Variants in KIAA1217 observed in about 807,000 individuals in gnomAD.
KIAA1217 encodes sickle tail protein homolog.
Under a neutral mutation model 163.9 loss-of-function variants are expected in KIAA1217, and 88 were observed. The observed-to-expected ratio is 0.54, with a 90% CI of 0.45 to 0.64. The LOEUF (loss-of-function observed/expected upper bound fraction) is 0.64, where lower values mean the gene tolerates loss of function less well. KIAA1217 is among the 30% of genes least tolerant of loss of function. The pLI, the probability that KIAA1217 is intolerant of heterozygous loss-of-function variation, is 0.00. For missense variants in KIAA1217, 2,372 were observed against 2,475.0 expected, an observed-to-expected ratio of 0.96 and a Z score of 0.88; for synonymous variants, 903 against 923.1, an observed-to-expected ratio of 0.98 and a Z score of 0.39.
intron 1 of KIAA1217, among the ~76,000 whole-genome samples, chr10:23,917,239 A>T (rs1196105098): frequency 6.6e-6 from 1 of 152,176 alleles, no homozygotes. Flanking sequence ...GCAGACCTCC[A>T]CTGAGTCCAT....
intron 3 of KIAA1217, among the ~76,000 whole-genome samples, chr10:24,391,066 G>A (rs550576239): frequency 4.6e-5 from 7 of 152,272 alleles, no homozygotes; most frequent in African/African-American, 1.4e-4. Context: ...AAACTTTGAA[G>A]CAATTGTTTA....
chr10:24,189,425 C>T (rs1006150882), intron 2 of KIAA1217, among the ~76,000 whole-genome samples: 1 of 152,068 alleles, frequency 6.6e-6, no homozygotes, highest in Non-Finnish European at 1.5e-5. Context: ...TCTACAATTC[C>T]CACAATTAAT....
intron 2 of KIAA1217, among the ~76,000 whole-genome samples, chr10:24,346,268 A>G (rs2047752889): frequency 1.3e-5 from 2 of 152,100 alleles, no homozygotes; most frequent in African/African-American, 4.8e-5. Context: ...GATCGAGACC[A>G]TCCTGGCTAA....
At chr10:23,998,784 A>T (rs941074213) in intron 1 of KIAA1217, among the ~76,000 whole-genome samples, 3 of 152,228 alleles carry the variant, frequency 2.0e-5, no homozygotes, top group African/African-American at 7.2e-5. Flanking sequence ...TTGCATTGAA[A>T]ATACTTTGAT....
At chr10:23,855,304 G>A (rs1839593691) in intron 1 of KIAA1217, among the ~76,000 whole-genome samples, 1 of 152,120 alleles carries the variant, frequency 6.6e-6, no homozygotes, top group South Asian at 2.1e-4. Context: ...GAAATTCTGG[G>A]TTGAAAATTC....
At chr10:24,243,862 GC>G (rs1343268634) in intron 2 of KIAA1217, among the ~76,000 whole-genome samples, 29 of 152,038 alleles carry the variant, frequency 1.9e-4, no homozygotes, top group Admixed American at 1.9e-3. Context: ...GCCCAGTGAA[GC>G]TTTTTATTAC....
chr10:24,345,209 A>C (rs986653909), intron 2 of KIAA1217, among the ~76,000 whole-genome samples: 1 of 152,194 alleles, frequency 6.6e-6, no homozygotes, highest in South Asian at 2.1e-4. Flanking sequence ...AACACACACA[A>C]AAAAGGGGGT....
intron 16 of KIAA1217, 60 bp from the exon 17 acceptor site, chr10:24,536,714 T>G: frequency 6.4e-7 from 1 of 1,573,974 alleles, no homozygotes; most frequent in Non-Finnish European, 8.7e-7. Context: ...CCTGCCTGTT[T>G]CCCTCCATTC....
At chr10:23,926,050 C>T (rs906556674) in intron 1 of KIAA1217, among the ~76,000 whole-genome samples, 3 of 152,158 alleles carry the variant, frequency 2.0e-5, no homozygotes, top group Admixed American at 6.5e-5. Flanking sequence ...CAGACCTCCC[C>T]ATACTGAGGC....
chr10:23,858,615 CTG>C (rs757864682), intron 1 of KIAA1217, among the ~76,000 whole-genome samples: 1 of 151,994 alleles, frequency 6.6e-6, no homozygotes, highest in African/African-American at 2.4e-5. Flanking sequence ...AAAAATGATT[CTG>C]TTAGTATAAT....
intron 1 of KIAA1217, among the ~76,000 whole-genome samples, chr10:23,703,277 A>G (rs1195834087): frequency 6.6e-6 from 1 of 152,100 alleles, no homozygotes; most frequent in Non-Finnish European, 1.5e-5. Context: ...TGGTGGAGGG[A>G]GGATCAGAGA....
At chr10:24,420,939 C>T (rs1323641269) in intron 3 of KIAA1217, among the ~76,000 whole-genome samples, 5 of 152,206 alleles carry the variant, frequency 3.3e-5, no homozygotes, top group Non-Finnish European at 7.4e-5. Flanking sequence ...GGAGCAAGTA[C>T]CCCCTCTTAT....
intron 1 of KIAA1217, among the ~76,000 whole-genome samples, chr10:23,771,169 C>T (rs942602767): frequency 6.6e-6 from 1 of 152,074 alleles, no homozygotes; most frequent in African/African-American, 2.4e-5. Context: ...ATGGCTTTGC[C>T]TCCTACATAG....
intron 2 of KIAA1217, among the ~76,000 whole-genome samples, chr10:24,306,581 G>A (rs1025904037): frequency 1.1e-4 from 16 of 152,308 alleles, no homozygotes; most frequent in African/African-American, 3.6e-4. Context: ...GCGGGCAGCT[G>A]TCTTTCTGGA....
chr10:23,814,964 G>A (rs950414457), intron 1 of KIAA1217, among the ~76,000 whole-genome samples: 1 of 152,120 alleles, frequency 6.6e-6, no homozygotes, highest in East Asian at 1.9e-4. Context: ...GGATTTTATG[G>A]CTCTGATAAA....
In KIAA1217 at chr10:24,436,631, A is replaced by G. The variant is rs534772883; in HGVS notation, c.753-1755A>G. Among the ~76,000 whole-genome samples the G allele has an allele frequency of 3.7e-4, 56 of 151,882 alleles. No homozygotes were observed. The East Asian group carries it at 3.9e-3, about 11-fold the overall frequency. ...AAATTAGCCGGGCGTGGTGGCGGGC[A>G]CCTGTAGTCCCAGCTGCTGGGGAGG... is the stretch of plus-strand genomic sequence containing the variant. On this transcript the variant is annotated intron_variant, in intron 4 of 20. Transcript: ENST00000376454.
chr10:24,349,152 A>G (rs220342), intron 2 of KIAA1217, among the ~76,000 whole-genome samples: 19,784 of 143,658 alleles, frequency 0.14, 1,634 homozygotes, highest in Non-Finnish European at 0.19. Context: ...AAAAAAAAAA[A>G]AGAGAGATTG....
At chr10:23,956,017 G>C (rs1188437843) in intron 1 of KIAA1217, among the ~76,000 whole-genome samples, 1 of 152,172 alleles carries the variant, frequency 6.6e-6, no homozygotes, top group Admixed American at 6.5e-5. Flanking sequence ...GATTAACTAC[G>C]TTGACTACAA....
At chr10:23,772,672 C>T (rs552754409) in intron 1 of KIAA1217, among the ~76,000 whole-genome samples, 5 of 152,108 alleles carry the variant, frequency 3.3e-5, no homozygotes, top group Non-Finnish European at 7.4e-5. Context: ...ATGAACACTC[C>T]GCGAACTATT....
Sources: allele counts gnomAD v4.1 joint callset (sites outside exome capture counted in the v4.1 genomes callset), GRCh38; gene constraint gnomAD v4.1.1; transcripts MANE v1.5; gene names NCBI Gene and HGNC (gene_info 2026-07-23, HGNC 2026-07-21).